IL1RAPL2: variants seen among roughly 807,000 people sequenced by gnomAD.
IL1RAPL2 encodes the protein X-linked interleukin-1 receptor accessory protein-like 2.
In IL1RAPL2, 3 loss-of-function variants were observed where a neutral mutation model predicts 44.1. The ratio of observed to expected loss-of-function variants is 0.07; its 90% CI spans 0.03 to 0.18. The LOEUF (loss-of-function observed/expected upper bound fraction) is 0.18. Among genes scored for constraint, IL1RAPL2 ranks in the 10% least tolerant of loss-of-function variants. The pLI is 1.00. For synonymous variants in IL1RAPL2, 181 were observed against 178.8 expected (o/e 1.01, Z -0.10); for missense variants, 391 against 496.4 (o/e 0.79, Z 2.02).
In IL1RAPL2 at chrX:104,633,757, G is replaced by A. The variant is rs764190146; in HGVS notation, c.-19-25138G>A. On this transcript the variant is annotated intron_variant, in intron 1 of 10. Transcript: ENST00000372582. ...TTTCTTCTTTATTAGTCTTGCTAGC[G>A]GTCTATCAATTGTGTTGATAGTTTC... Among the ~76,000 whole-genome samples the A allele has an allele frequency of 3.0e-4, 33 of 110,451 alleles. No homozygotes were observed. The South Asian group carries it at 5.9e-3, about 20-fold the overall frequency.
intron 6 of IL1RAPL2, among the ~76,000 whole-genome samples, chrX:105,490,117 C>G (rs2036305687): frequency 9.0e-6 from 1 of 111,544 alleles, no homozygotes; most frequent in Admixed American, 9.6e-5. Context: ...CATGAGCCAT[C>G]GAGCCTGGCC....
intron 2 of IL1RAPL2, among the ~76,000 whole-genome samples, chrX:105,190,968 G>A (rs1387128430): frequency 8.9e-6 from 1 of 111,781 alleles, no homozygotes; most frequent in Non-Finnish European, 1.9e-5. Flanking sequence ...GCACTTTGCA[G>A]GGGACTGCAC....
intron 2 of IL1RAPL2, among the ~76,000 whole-genome samples, chrX:104,782,044 T>A (rs987793627): frequency 1.8e-5 from 2 of 111,557 alleles, no homozygotes; most frequent in Non-Finnish European, 3.8e-5. Flanking sequence ...GAGCAAGCCC[T>A]CACCAGACAC....
chrX:105,563,116 A>G (rs1017750125), intron 6 of IL1RAPL2, among the ~76,000 whole-genome samples: 5 of 111,829 alleles, frequency 4.5e-5, no homozygotes, highest in Non-Finnish European at 1.9e-5. Context: ...GTAACATTTG[A>G]TTTTTAACAA....
At chrX:105,737,188 T>C (rs1431912529) in intron 7 of IL1RAPL2, among the ~76,000 whole-genome samples, 2 of 110,457 alleles carry the variant, frequency 1.8e-5, no homozygotes, top group African/African-American at 6.6e-5. Context: ...TTGAGTACAT[T>C]TGAACACAAA....
At chrX:105,691,850 G>GT (rs1317054446) in intron 6 of IL1RAPL2, among the ~76,000 whole-genome samples, 1 of 111,093 alleles carries the variant, frequency 9.0e-6, no homozygotes, top group African/African-American at 3.3e-5. Flanking sequence ...ATGAAGAAGG[G>GT]TGGCATAGGG....
At chrX:105,093,964 C>G (rs1183768712) in intron 2 of IL1RAPL2, among the ~76,000 whole-genome samples, 2 of 111,627 alleles carry the variant, frequency 1.8e-5, no homozygotes, top group East Asian at 5.6e-4. Context: ...GGTCAGTTAC[C>G]AGGTCTTTGA....
chrX:105,177,522 A>G (rs1039273615), intron 2 of IL1RAPL2, among the ~76,000 whole-genome samples: 2 of 111,294 alleles, frequency 1.8e-5, no homozygotes, highest in Non-Finnish European at 3.8e-5. Flanking sequence ...CCATGAAACC[A>G]GTCTCTGGTG....
intron 2 of IL1RAPL2, among the ~76,000 whole-genome samples, chrX:105,042,099 T>A (rs1285717493): frequency 9.0e-6 from 1 of 111,393 alleles, no homozygotes; most frequent in African/African-American, 3.3e-5. Context: ...AAGACTTACA[T>A]GTTAGACCTA....
chrX:105,628,384 A>G (rs979682285), intron 6 of IL1RAPL2, among the ~76,000 whole-genome samples: 3 of 111,240 alleles, frequency 2.7e-5, no homozygotes, highest in African/African-American at 9.8e-5. Context: ...CTAGATACCA[A>G]ATAGACAGGG....
At chrX:104,908,593 G>A (rs1924117999) in intron 2 of IL1RAPL2, among the ~76,000 whole-genome samples, 1 of 111,386 alleles carries the variant, frequency 9.0e-6, no homozygotes, top group South Asian at 3.8e-4. Flanking sequence ...GAAATTCTGG[G>A]TTGAAAATTC....
At chrX:104,729,896 AC>A (rs1386131472) in intron 2 of IL1RAPL2, among the ~76,000 whole-genome samples, 1 of 111,432 alleles carries the variant, frequency 9.0e-6, no homozygotes, top group African/African-American at 3.3e-5. Flanking sequence ...TTTAAGATTA[AC>A]TGTATGCTCT....
chrX:105,550,971 A>G (rs1246439149), intron 6 of IL1RAPL2, among the ~76,000 whole-genome samples: 1 of 111,734 alleles, frequency 8.9e-6, no homozygotes, highest in Non-Finnish European at 1.9e-5. Context: ...AAATACATAC[A>G]TACATACATA....
chrX:105,611,206 A>G (rs1473809735), intron 6 of IL1RAPL2, among the ~76,000 whole-genome samples: 1 of 112,702 alleles, frequency 8.9e-6, no homozygotes, highest in Non-Finnish European at 1.9e-5. Context: ...CAATGTGTTT[A>G]CATTTTAAGC....
At chrX:105,761,220 TACACACACACACACACACACACACAC>T (rs113089380) in intron 10 of IL1RAPL2, among the ~76,000 whole-genome samples, 3 of 84,156 alleles carry the variant, frequency 3.6e-5, no homozygotes, top group Non-Finnish European at 4.7e-5. Flanking sequence ...ACTCTTCCTA[TACACACACACACACACACACACACAC>T]ACACACACAC....
chrX:105,462,292 C>T (rs2036098808), intron 5 of IL1RAPL2, among the ~76,000 whole-genome samples: 1 of 110,995 alleles, frequency 9.0e-6, no homozygotes, highest in South Asian at 3.8e-4. Context: ...TAGTTGCAGT[C>T]CCTCTTCCTA....
intron 3 of IL1RAPL2, among the ~76,000 whole-genome samples, chrX:105,207,978 A>T (rs782491698): frequency 8.9e-6 from 1 of 111,795 alleles, no homozygotes; most frequent in Non-Finnish European, 1.9e-5. Context: ...GTCTTATAGA[A>T]TCGTGCTTGC....
intron 2 of IL1RAPL2, among the ~76,000 whole-genome samples, chrX:104,749,315 G>A (rs376181455): frequency 8.6e-4 from 96 of 111,074 alleles, no homozygotes; most frequent in African/African-American, 3.0e-3. Flanking sequence ...ACTCTGGCTT[G>A]AAGTTTAGCC....
At chrX:104,792,582 TA>T in intron 2 of IL1RAPL2, among the ~76,000 whole-genome samples, 1 of 111,752 alleles carries the variant, frequency 8.9e-6, no homozygotes, top group Middle Eastern at 4.6e-3. Flanking sequence ...TAGCCATTTT[TA>T]GTTGTGTACT....
Sources: gnomAD v4.1 joint callset for allele counts (sites outside exome capture counted in the v4.1 genomes callset) on GRCh38, gnomAD v4.1.1 for gene constraint, MANE v1.5 for transcripts, NCBI Gene and HGNC (gene_info 2026-07-23, HGNC 2026-07-21) for gene names.